C12orf42: variants seen among roughly 807,000 people sequenced by gnomAD.
C12orf42 encodes the protein uncharacterized protein C12orf42.
C12orf42 carries 25 observed loss-of-function variants against 21.6 expected under a neutral mutation model. The observed-to-expected ratio is 1.16, with a 90% CI of 0.84 to 1.62. C12orf42 has a LOEUF of 1.62. C12orf42 is among the 40% of genes most tolerant of loss of function. The pLI is 0.00. For synonymous variants in C12orf42, 174 were observed against 175.0 expected, an observed-to-expected ratio of 0.99 and a Z score of 0.05; for missense variants, 483 against 459.3, an observed-to-expected ratio of 1.05 and a Z score of -0.47.
chr12:103,410,141 C>G (rs890303827), intron 2 of C12orf42, among the ~76,000 whole-genome samples: 15 of 152,204 alleles, frequency 9.9e-5, no homozygotes, highest in African/African-American at 3.6e-4. Context: ...TCCTACCCCA[C>G]TGTCATCCAG....
chr12:103,532,932 G>A, the C12orf42 span, among the ~76,000 whole-genome samples: 3 of 152,160 alleles, frequency 2.0e-5, no homozygotes, highest in African/African-American at 7.2e-5. Flanking sequence ...GGTGAAGCGC[G>A]GATCACGGAG....
rs534605553 is a variant in C12orf42 at position 103,447,813 on chromosome 12, G to C, written c.78+30536C>G. Reference sequence around the variant, plus strand: ...TCATAGATGACACCAACAAATGGGAGCACATCCCATGCTCATGGATGAGTA... The same window carrying C: ...TCATAGATGACACCAACAAATGGGACCACATCCCATGCTCATGGATGAGTA... On this transcript the variant is annotated intron_variant, in intron 2 of 5. Transcript: ENST00000548883. Among the ~76,000 whole-genome samples, 5 of 152,070 alleles carry C rather than the reference G, an allele frequency of 3.3e-5. 1 individual carries two copies. In the South Asian group the frequency reaches 1.0e-3, roughly 31 times the overall value.
At chr12:103,108,647 C>T in the C12orf42 span, among the ~76,000 whole-genome samples, 1 of 152,022 alleles carries the variant, frequency 6.6e-6, no homozygotes, top group Non-Finnish European at 1.5e-5. Context: ...TGTAAGTAAA[C>T]ATAAGTATTG....
the C12orf42 span, among the ~76,000 whole-genome samples, chr12:103,541,256 CT>C: frequency 2.0e-5 from 3 of 152,190 alleles, no homozygotes; most frequent in African/African-American, 7.2e-5. Context: ...GTTACAATCA[CT>C]ATTTCTATTA....
At chr12:103,271,627 G>A (rs907884973) in intron 5 of C12orf42, among the ~76,000 whole-genome samples, 1 of 152,122 alleles carries the variant, frequency 6.6e-6, no homozygotes, top group Non-Finnish European at 1.5e-5. Flanking sequence ...TTAGCACTGT[G>A]GAAGCTGAGA....
At chr12:103,264,312 A>G (rs532788068), downstream of C12orf42, among the ~76,000 whole-genome samples, 4 of 152,260 alleles carry the variant, frequency 2.6e-5, no homozygotes, top group East Asian at 7.7e-4. Flanking sequence ...GTAAAATGAA[A>G]TAAATATTCT....
chr12:103,331,045 G>C (rs1329774891), intron 4 of C12orf42, among the ~76,000 whole-genome samples: 1 of 152,146 alleles, frequency 6.6e-6, no homozygotes, highest in African/African-American at 2.4e-5. Context: ...CTAAATAAAA[G>C]ATATACAGAT....
the C12orf42 span, among the ~76,000 whole-genome samples, chr12:103,113,588 A>C: frequency 6.6e-6 from 1 of 151,362 alleles, no homozygotes; most frequent in Non-Finnish European, 1.5e-5. Flanking sequence ...TGCTACTGGC[A>C]TCTAGTGGGT....
intron 4 of C12orf42, among the ~76,000 whole-genome samples, chr12:103,280,980 G>C (rs2036079165): frequency 6.6e-6 from 1 of 152,204 alleles, no homozygotes; most frequent in African/African-American, 2.4e-5. Context: ...CCTTGCTGGA[G>C]GGTGAGAGGG....
Position 103,485,465 on chromosome 12 carries a change from A to G in C12orf42, c.-21-7018T>C, listed in dbSNP as rs1335756035. 6.6e-5 allele frequency among the ~76,000 whole-genome samples: 10 copies of G among 152,182 alleles called. No homozygotes were observed. In the East Asian group the frequency reaches 1.5e-3, roughly 24 times the overall value. Reference sequence around the variant, plus strand: ...GTCTTGGCAATGTGGGCTCTTTTTTAGTTCCATATGAACTTTAAAGTAGTT... The same window carrying G: ...GTCTTGGCAATGTGGGCTCTTTTTTGGTTCCATATGAACTTTAAAGTAGTT... On this transcript the variant is annotated intron_variant, in intron 1 of 5. Coordinates refer to ENST00000548883, the MANE Select transcript of C12orf42 (RefSeq NM_198521.5).
intron 2 of C12orf42, among the ~76,000 whole-genome samples, chr12:103,453,033 A>G (rs1400549477): frequency 1.3e-5 from 2 of 152,076 alleles, no homozygotes; most frequent in Non-Finnish European, 2.9e-5. Flanking sequence ...ATCAAAAAAA[A>G]AAAGAAAAGG....
intron 10 of C12orf42, among the ~76,000 whole-genome samples, chr12:103,248,610 C>G (rs928422775): frequency 3.9e-5 from 6 of 151,912 alleles, no homozygotes; most frequent in Non-Finnish European, 8.8e-5. Flanking sequence ...AGAGACATGA[C>G]AGATTGAGAA....
At chr12:103,271,018 T>C (rs576432419) in intron 5 of C12orf42, among the ~76,000 whole-genome samples, 107 of 152,236 alleles carry the variant, frequency 7.0e-4, no homozygotes, top group South Asian at 1.7e-3. Flanking sequence ...AATTATATGA[T>C]TTGCTTTGCC....
At chr12:103,120,814 A>G in the C12orf42 span, among the ~76,000 whole-genome samples, 2 of 150,114 alleles carry the variant, frequency 1.3e-5, no homozygotes, top group African/African-American at 4.9e-5. Flanking sequence ...TATAACATGT[A>G]TTATATACTA....
the C12orf42 span, chr12:103,505,595 T>C: frequency 1.6e-5 from 5 of 321,754 alleles, no homozygotes; most frequent in Non-Finnish European, 2.9e-5. Flanking sequence ...GTCTAGCCCA[T>C]GTCTGAGTCT....
At chr12:103,288,494 C>A (rs1012532198) in intron 4 of C12orf42, among the ~76,000 whole-genome samples, 1 of 152,156 alleles carries the variant, frequency 6.6e-6, no homozygotes, top group Non-Finnish European at 1.5e-5. Flanking sequence ...TTTAATGCGT[C>A]CTTGTTTGAA....
intron 2 of C12orf42, among the ~76,000 whole-genome samples, chr12:103,448,874 A>G (rs916697651): frequency 2.6e-5 from 4 of 152,090 alleles, no homozygotes; most frequent in Non-Finnish European, 5.9e-5. Context: ...CACAGTATAC[A>G]ACACAGTGTG....
At chr12:103,359,135 C>T (rs2043850368) in intron 4 of C12orf42, among the ~76,000 whole-genome samples, 1 of 152,084 alleles carries the variant, frequency 6.6e-6, no homozygotes, top group Non-Finnish European at 1.5e-5. Flanking sequence ...ACCTCCATAT[C>T]TTAAATGGCC....
the C12orf42 span, among the ~76,000 whole-genome samples, chr12:103,530,629 G>A: frequency 4.6e-5 from 7 of 152,054 alleles, no homozygotes; most frequent in South Asian, 2.1e-4. Context: ...AAGTGTTCGG[G>A]GGGGGAAAAC....
Sources: gnomAD v4.1 joint callset for allele counts (sites outside exome capture counted in the v4.1 genomes callset) on GRCh38, gnomAD v4.1.1 for gene constraint, MANE v1.5 for transcripts, NCBI Gene and HGNC (gene_info 2026-07-23, HGNC 2026-07-21) for gene names.